Variants in FKBP5 observed in about 807,000 individuals in gnomAD.
FKBP5 encodes peptidyl-prolyl cis-trans isomerase FKBP5.
In FKBP5, 23 loss-of-function variants were observed where a neutral mutation model predicts 50.5. That is an observed-to-expected ratio of 0.46 (90% CI 0.33 to 0.65). FKBP5 has a LOEUF of 0.65. Ranked by LOEUF, FKBP5 falls within the 30% of genes least tolerant of loss-of-function variation. The pLI, the probability that FKBP5 is intolerant of heterozygous loss-of-function variation, is 0.02. For missense variants in FKBP5, 411 were observed against 553.1 expected, an observed-to-expected ratio of 0.74 and a Z score of 2.58; for synonymous variants, 176 against 190.6, an observed-to-expected ratio of 0.92 and a Z score of 0.63.
At chr6:35,576,021 A>G in intron 10 of FKBP5, 79 bp from the exon 11 acceptor site, 1 of 1,002,346 alleles carries the variant, frequency 1.0e-6, no homozygotes, top group Non-Finnish European at 1.6e-6. Context: ...ACTGTGTATC[A>G]GGTCCCAAAC....
At chr6:35,701,578 T>C (rs1259911413) in intron 2 of FKBP5, among the ~76,000 whole-genome samples, 1 of 151,560 alleles carries the variant, frequency 6.6e-6, no homozygotes. Flanking sequence ...TCTCACTCTG[T>C]TGCAAGGCTG....
At chr6:35,582,820 G>A in intron 8 of FKBP5, 1 of 985,226 alleles carries the variant, frequency 1.0e-6, no homozygotes, top group Non-Finnish European at 1.2e-6. Context: ...TTGAGGACAG[G>A]CAGCATTGTC....
chr6:35,707,527 A>T (rs1766341972), intron 2 of FKBP5, among the ~76,000 whole-genome samples: 1 of 152,052 alleles, frequency 6.6e-6, no homozygotes, highest in African/African-American at 2.4e-5. Flanking sequence ...GGCCATGAAA[A>T]GACTTTTGAC....
intron 3 of FKBP5, among the ~76,000 whole-genome samples, chr6:35,632,009 T>C (rs1197275851): frequency 1.3e-5 from 2 of 151,416 alleles, no homozygotes; most frequent in African/African-American, 2.4e-5. Context: ...TCCAAATCTA[T>C]TGCCCTCTTC....
At chr6:35,646,205 T>C (rs373135704) in intron 1 of FKBP5, among the ~76,000 whole-genome samples, 6 of 152,340 alleles carry the variant, frequency 3.9e-5, no homozygotes, top group East Asian at 3.9e-4. Flanking sequence ...TTCGAGTAAA[T>C]AGGCAACCTG....
At chr6:35,649,266 A>T (rs1269240387) in intron 1 of FKBP5, among the ~76,000 whole-genome samples, 1 of 151,456 alleles carries the variant, frequency 6.6e-6, no homozygotes, top group Non-Finnish European at 1.5e-5. Context: ...AAAAAAAAAA[A>T]AAAGAATTTA....
intron 5 of FKBP5, among the ~76,000 whole-genome samples, chr6:35,608,677 A>G (rs1763403641): frequency 6.6e-6 from 1 of 152,098 alleles, no homozygotes; most frequent in African/African-American, 2.4e-5. Flanking sequence ...ACAGAGCAAG[A>G]CCTCATCTCC....
At chr6:35,585,222 A>G (rs1762563115) in intron 8 of FKBP5, 1 of 976,788 alleles carries the variant, frequency 1.0e-6, no homozygotes, top group African/African-American at 1.8e-5. Flanking sequence ...ATTTTTATGG[A>G]CTTCGGAAAT....
At chr6:35,623,121 A>G (rs1763895708) in intron 3 of FKBP5, among the ~76,000 whole-genome samples, 1 of 152,234 alleles carries the variant, frequency 6.6e-6, no homozygotes, top group African/African-American at 2.4e-5. Context: ...TAGCGCCTGT[A>G]GTCCCAGCTA....
intron 5 of FKBP5, among the ~76,000 whole-genome samples, chr6:35,600,647 ATTT>A (rs529211836): frequency 6.6e-6 from 1 of 151,820 alleles, no homozygotes; most frequent in Non-Finnish European, 1.5e-5. Context: ...TAGTTAACAG[ATTT>A]TTTTTGTCTG....
intron 8 of FKBP5, chr6:35,582,145 C>T: frequency 7.1e-6 from 7 of 984,184 alleles, no homozygotes; most frequent in Non-Finnish European, 8.4e-6. Context: ...CATCCTTCTT[C>T]CCAAGTCACT....
chr6:35,690,270 A>G (rs1298466612), upstream of FKBP5, among the ~76,000 whole-genome samples: 1 of 152,166 alleles, frequency 6.6e-6, no homozygotes, highest in Non-Finnish European at 1.5e-5. Context: ...GGAGTTCGAG[A>G]CGAGCCTGAC....
At chr6:35,616,123 G>A (rs1763647578) in intron 5 of FKBP5, among the ~76,000 whole-genome samples, 1 of 151,994 alleles carries the variant, frequency 6.6e-6, no homozygotes, top group African/African-American at 2.4e-5. Flanking sequence ...GGACCAGCCT[G>A]ACCAACATGT....
At chr6:35,687,239 A>C (rs539251105) in intron 1 of FKBP5, among the ~76,000 whole-genome samples, 1 of 152,364 alleles carries the variant, frequency 6.6e-6, no homozygotes, top group South Asian at 2.1e-4. Flanking sequence ...GTTTCTCACA[A>C]ATAATGAGTA....
At chr6:35,648,623 A>G (rs896198622) in intron 1 of FKBP5, among the ~76,000 whole-genome samples, 24 of 152,070 alleles carry the variant, frequency 1.6e-4, no homozygotes, top group Non-Finnish European at 2.5e-4. Context: ...GCTATATTCA[A>G]TATATCATTT....
In FKBP5 at chr6:35,574,892, G is replaced by T. The variant is rs1326467452; in HGVS notation, c.*943C>A. The T allele has an allele frequency of 2.0e-5, 3 of 152,386 alleles. No homozygotes were observed. Among genetic ancestry groups the T allele is most frequent in the Non-Finnish European group, 4.4e-5 (3 of 68,018 alleles). 9.4% of individuals were successfully genotyped at this position (152,386 alleles called of 1,614,324 possible). A position where few individuals can be genotyped will look rare whatever the true frequency, so the allele number is the denominator to read the frequency against. ...AGATCCACTCCAGGTCAAAAATATT[G>T]TAAGCACAAGTCTTAAATTCTTAAT... On this transcript the variant is annotated 3_prime_UTR_variant, in exon 11 of 11. Transcript: ENST00000357266.
chr6:35,722,176 GTT>G (rs143069949), intron 1 of FKBP5, among the ~76,000 whole-genome samples: 1 of 147,350 alleles, frequency 6.8e-6, no homozygotes, highest in Non-Finnish European at 1.5e-5. Context: ...TATTTGTTCT[GTT>G]TTTTTTTTAT....
At chr6:35,646,858 A>C (rs1764645214) in intron 1 of FKBP5, among the ~76,000 whole-genome samples, 1 of 152,254 alleles carries the variant, frequency 6.6e-6, no homozygotes, top group Non-Finnish European at 1.5e-5. Context: ...CACCTGAGAC[A>C]TAACAGAAAA....
In FKBP5 at chr6:35,661,043, G is replaced by C. The variant is rs1459553605; in HGVS notation, c.-19-18200C>G. 2.4e-5 allele frequency among the ~76,000 whole-genome samples: 2 copies of C among 84,230 alleles called. 1 individual carries two copies. The highest frequency in any genetic ancestry group is 2.5e-4 in the Admixed American group (2 of 8,114). The allele number at this position is 84,230 out of a possible 152,430, so 55.3% of individuals were successfully genotyped here. A position where few individuals can be genotyped will look rare whatever the true frequency, so the allele number is the denominator to read the frequency against. On this transcript the variant is annotated intron_variant, in intron 1 of 10. Coordinates refer to ENST00000357266, the MANE Select transcript of FKBP5 (RefSeq NM_004117.4). ...TGGGGAGTGGGAGATTTCTTTTTAGGGTTATAAATGTTCCAAAGTGGGACA... is the reference window on the plus strand; with the variant it reads ...TGGGGAGTGGGAGATTTCTTTTTAGCGTTATAAATGTTCCAAAGTGGGACA...
Sources: allele counts gnomAD v4.1 joint callset (sites outside exome capture counted in the v4.1 genomes callset), GRCh38; gene constraint gnomAD v4.1.1; transcripts MANE v1.5; gene names NCBI Gene and HGNC (gene_info 2026-07-23, HGNC 2026-07-21).